The following XIRP2 variants were observed in gnomAD, a reference collection of about 807,000 sequenced individuals.
XIRP2 encodes the protein xin actin binding repeat containing 2, also known as xin actin-binding repeat-containing protein 2.
XIRP2 carries 236 observed loss-of-function variants against 277.0 expected under a neutral mutation model. The ratio of observed to expected loss-of-function variants is 0.85; its 90% CI spans 0.77 to 0.95. XIRP2 has a LOEUF of 0.95. Among genes scored for constraint, XIRP2 ranks in the 40% least tolerant of loss-of-function variants. XIRP2 has a pLI of 0.00. For missense variants in XIRP2, 4,640 were observed against 4,157.5 expected (o/e 1.12, Z -3.19); for synonymous variants, 1,490 against 1,416.5 (o/e 1.05, Z -1.17).
chr2:166,952,530 C>G (rs1037941921), intron 2 of XIRP2, among the ~76,000 whole-genome samples: 1 of 151,992 alleles, frequency 6.6e-6, no homozygotes, highest in African/African-American at 2.4e-5. Flanking sequence ...TTTCACACTT[C>G]TCTACTTCCA....
At chr2:166,933,322 G>GT (rs960832242) in intron 2 of XIRP2, among the ~76,000 whole-genome samples, 6 of 151,574 alleles carry the variant, frequency 4.0e-5, no homozygotes, top group African/African-American at 1.2e-4. Context: ...CTAATTTTAT[G>GT]TTTTTTTAGT....
chr2:166,994,676 T>C (rs1687160353), intron 2 of XIRP2, among the ~76,000 whole-genome samples: 1 of 132,572 alleles, frequency 7.5e-6, no homozygotes, highest in East Asian at 3.4e-4. Context: ...AAGCCTGGAT[T>C]CCTCAGTCTA....
intron 2 of XIRP2, among the ~76,000 whole-genome samples, chr2:166,982,215 C>T (rs2105434898): frequency 6.6e-6 from 1 of 151,432 alleles, no homozygotes; most frequent in Non-Finnish European, 1.5e-5. Flanking sequence ...ATATTCATAA[C>T]TTCAATTGTT....
At chr2:167,134,461 G>A (rs561173999) in intron 2 of XIRP2, among the ~76,000 whole-genome samples, 5 of 151,720 alleles carry the variant, frequency 3.3e-5, no homozygotes, top group African/African-American at 7.3e-5. Context: ...AGAATGTTTC[G>A]AAGCTTTTAG....
At chr2:167,045,874 C>T (rs760558304) in intron 2 of XIRP2, among the ~76,000 whole-genome samples, 2 of 151,990 alleles carry the variant, frequency 1.3e-5, no homozygotes, top group Non-Finnish European at 2.9e-5. Flanking sequence ...CCAACAATCC[C>T]ATTACAGAAA....
intron 2 of XIRP2, among the ~76,000 whole-genome samples, chr2:167,052,139 A>G (rs13426592): frequency 0.13 from 19,785 of 152,012 alleles, 1,395 homozygotes; most frequent in Middle Eastern, 0.18. Flanking sequence ...GAAAAAATAA[A>G]TTACAGTACA....
chr2:166,898,437 T>G (rs1684298426), intron 1 of XIRP2, among the ~76,000 whole-genome samples: 1 of 152,126 alleles, frequency 6.6e-6, no homozygotes. Flanking sequence ...TCTCCTACAA[T>G]TGGAGTAAAA....
At chr2:167,198,873 C>G (rs1045270737) in intron 3 of XIRP2, among the ~76,000 whole-genome samples, 1 of 151,980 alleles carries the variant, frequency 6.6e-6, no homozygotes, top group Non-Finnish European at 1.5e-5. Context: ...TCATTAAGTT[C>G]AAAAGAAAAA....
In XIRP2 at chr2:167,245,396, C is replaced by A. The variant is rs184341388; in HGVS notation, c.4004C>A (p.Thr1335Asn). The A allele has an allele frequency of 1.4e-4, 228 of 1,613,454 alleles. No homozygotes were observed. The East Asian group carries it at 2.7e-3, about 19-fold the overall frequency. The change falls in exon 9 of 11, where the codon ACC (threonine) becomes AAC (asparagine). Residue 1335 changes from threonine to asparagine, a missense_variant. By Grantham distance (65) the Thr-to-Asn change is moderately conservative. Coordinates refer to ENST00000409195, the MANE Select transcript of XIRP2 (RefSeq NM_152381.6). ...CGAGAAGGGTCCTATCATGAAGTGACCACAGTTAAAAAAGAAGAGGTAATT... is the reference window on the plus strand; with the variant it reads ...CGAGAAGGGTCCTATCATGAAGTGAACACAGTTAAAAAAGAAGAGGTAATT... ...QDREGSYHEV[T>N]TVKKEEVIHG...
At chr2:166,900,030 C>A (rs968714155) in intron 1 of XIRP2, among the ~76,000 whole-genome samples, 1 of 151,796 alleles carries the variant, frequency 6.6e-6, no homozygotes, top group Non-Finnish European at 1.5e-5. Flanking sequence ...TATCTTTTGC[C>A]AAATTTGGAA....
intron 2 of XIRP2, among the ~76,000 whole-genome samples, chr2:166,939,843 TG>T (rs1299558579): frequency 6.6e-6 from 1 of 152,194 alleles, no homozygotes; most frequent in East Asian, 1.9e-4. Context: ...CTTCCCTTTG[TG>T]GGTAACCCGA....
intron 7 of XIRP2, among the ~76,000 whole-genome samples, chr2:167,241,108 T>C (rs1233764893): frequency 6.6e-6 from 1 of 152,180 alleles, no homozygotes; most frequent in Non-Finnish European, 1.5e-5. Flanking sequence ...TTAAGTACTA[T>C]TAAGTCTGGC....
At position 167,162,325 on chromosome 2, in the gene XIRP2, A is replaced by G. The variant is rs193166654; in HGVS notation, c.562+26263A>G. Among the ~76,000 whole-genome samples the G allele has an allele frequency of 1.3e-4, 20 of 152,286 alleles. No homozygotes were observed. In the East Asian group the frequency reaches 3.9e-3, roughly 29 times the overall value. On this transcript the variant is annotated intron_variant, in intron 3 of 10. Coordinates refer to ENST00000409195, the MANE Select transcript of XIRP2 (RefSeq NM_152381.6). ...CAATTTGCTGTATTAGTCTGTTCTCACGTTGCTGATAAAGACATTCCTGAG... is the reference window on the plus strand; with the variant it reads ...CAATTTGCTGTATTAGTCTGTTCTCGCGTTGCTGATAAAGACATTCCTGAG...
intron 3 of XIRP2, among the ~76,000 whole-genome samples, chr2:167,170,320 A>C (rs149065935): frequency 5.6e-4 from 85 of 152,270 alleles, no homozygotes; most frequent in African/African-American, 1.9e-3. Context: ...GCTTCAAAAA[A>C]ACATGTCAGG....
chr2:167,095,790 C>T (rs1274025323), intron 2 of XIRP2, among the ~76,000 whole-genome samples: 1 of 139,306 alleles, frequency 7.2e-6, no homozygotes, highest in African/African-American at 2.6e-5. Flanking sequence ...TGTTGTGTCT[C>T]TGCTAGGTTT....
chr2:166,951,933 G>A (rs561077772), intron 2 of XIRP2, among the ~76,000 whole-genome samples: 8 of 152,126 alleles, frequency 5.3e-5, no homozygotes, highest in South Asian at 2.1e-4. Context: ...GGATGTAATC[G>A]TGCTTCGAAC....
At chr2:167,179,323 G>GTTTTTTTTTTTTT (rs374760800) in intron 3 of XIRP2, among the ~76,000 whole-genome samples, 1 of 120,508 alleles carries the variant, frequency 8.3e-6, no homozygotes, top group Non-Finnish European at 1.8e-5. Context: ...TTTTTTTCTT[G>GTTTTTTTTTTTTT]TTTTTTTTTT....
chr2:167,094,797 C>T (rs554828591), intron 2 of XIRP2, among the ~76,000 whole-genome samples: 38 of 152,112 alleles, frequency 2.5e-4, no homozygotes, highest in Non-Finnish European at 4.4e-4. Context: ...CTTGGCAATG[C>T]GGGCTCTTTT....
In XIRP2 at chr2:167,245,019, A is replaced by T. The variant is rs1308584582; in HGVS notation, c.3627A>T (p.Leu1209Phe). ...SMRYKFENQS[L>F]DSISSSSEEV... ...GGTATAAATTTGAAAATCAGTCCTT[A>T]GATTCTATAAGTTCTAGTTCAGAGG... is the stretch of plus-strand genomic sequence containing the variant. Residue 1209 changes from leucine (L) to phenylalanine (F), a missense_variant, in exon 9 of 11, where the codon TTA (leucine) becomes TTT (phenylalanine). Coordinates refer to ENST00000409195, the MANE Select transcript of XIRP2 (RefSeq NM_152381.6). The T allele has an allele frequency of 2.5e-6, 4 of 1,613,358 alleles. No individual in the cohort carries two copies. In the Admixed American group the frequency reaches 5.0e-5, roughly 20 times the overall value.
Sources: gnomAD v4.1 joint callset for allele counts (sites outside exome capture counted in the v4.1 genomes callset) on GRCh38, gnomAD v4.1.1 for gene constraint, MANE v1.5 for transcripts, NCBI Gene and HGNC (gene_info 2026-07-23, HGNC 2026-07-21) for gene names.